SAMD4B: variants seen among roughly 807,000 people sequenced by gnomAD.
SAMD4B encodes sterile alpha motif domain containing 4B.
Under a neutral mutation model 74.5 loss-of-function variants are expected in SAMD4B, and 5 were observed. That is an observed-to-expected ratio of 0.07 (90% CI 0.04 to 0.14). The LOEUF (loss-of-function observed/expected upper bound fraction) is 0.14, where lower values mean the gene tolerates loss of function less well. Among genes scored for constraint, SAMD4B ranks in the 10% least tolerant of loss-of-function variants. SAMD4B has a pLI of 1.00. For synonymous variants in SAMD4B, 373 were observed against 374.9 expected (o/e 1.00, Z 0.06); for missense variants, 608 against 921.8 (o/e 0.66, Z 4.41).
chr19:39,380,436 A>G (rs556648900), intron 10 of SAMD4B, 151 bp from the exon 11 acceptor site: 67 of 797,026 alleles, frequency 8.4e-5, no homozygotes, highest in Non-Finnish European at 9.8e-5. Flanking sequence ...ATCTCCTTCC[A>G]GGGGGTACCC....
At chr19:39,365,083 C>A (rs536665004) in intron 3 of SAMD4B, among the ~76,000 whole-genome samples, 63 of 149,090 alleles carry the variant, frequency 4.2e-4, no homozygotes, top group African/African-American at 1.4e-3. Context: ...ACTAAAAATA[C>A]AAAAAAAAAT....
chr19:39,369,258 G>A, intron 3 of SAMD4B: 1 of 260,650 alleles, frequency 3.8e-6, no homozygotes, highest in South Asian at 4.4e-5. Flanking sequence ...CTGATTGGGT[G>A]TCTGCACTAA....
intron 12 of SAMD4B, 125 bp downstream of exon 12, chr19:39,381,238 C>T: frequency 8.9e-7 from 1 of 1,128,554 alleles, no homozygotes; most frequent in South Asian, 1.6e-5. Context: ...TACCTCACAC[C>T]ACTCTGCACC....
chr19:39,345,713 C>T (rs898028263), intron 1 of SAMD4B, among the ~76,000 whole-genome samples: 1 of 152,140 alleles, frequency 6.6e-6, no homozygotes, highest in Non-Finnish European at 1.5e-5. Flanking sequence ...TCTCTGAATC[C>T]CACAAGGTGG....
chr19:39,387,695 C>CAT (rs2078283190), downstream of SAMD4B, among the ~76,000 whole-genome samples: 1 of 152,224 alleles, frequency 6.6e-6, no homozygotes, highest in African/African-American at 2.4e-5. Flanking sequence ...CATTTTTGAA[C>CAT]ATGGGTTTAA....
chr19:39,368,169 G>A (rs888220716), intron 3 of SAMD4B, among the ~76,000 whole-genome samples: 28 of 152,058 alleles, frequency 1.8e-4, no homozygotes, highest in African/African-American at 7.2e-5. Context: ...AGCCAAGATC[G>A]CGCCACTGCA....
At chr19:39,389,587 C>T, downstream of SAMD4B, 1 of 1,614,168 alleles carries the variant, frequency 6.2e-7, no homozygotes, top group South Asian at 1.1e-5. This position sits in a 1 kb window ranked among gnomAD's most constrained non-coding sequence, Gnocchi z 5.3. Flanking sequence ...GAGGGAGGCC[C>T]AGGCCTGAGC....
At chr19:39,389,728 T>C (rs752590114), downstream of SAMD4B, 2 of 1,614,104 alleles carry the variant, frequency 1.2e-6, no homozygotes, top group Non-Finnish European at 1.7e-6. This position sits in a 1 kb window ranked among gnomAD's most constrained non-coding sequence, Gnocchi z 5.3. Context: ...GTTTGTGCTG[T>C]TTCTCCAAGG....
chr19:39,381,039 G>A lies in SAMD4B; in HGVS notation c.1898G>A (p.Ser633Asn). ...PGGSNSMPSQ[S>N]RSSVQRTHSL... ...GGCAGCAACAGCATGCCCAGTCAGA[G>A]CCGCAGCTCTGTGCAGCGCACCCAC... Residue 633 changes from serine (S) to asparagine (N), a missense_variant, in exon 12 of 14, where the codon AGC (serine) becomes AAC (asparagine). By Grantham distance (46) the Ser-to-Asn change is conservative. Coordinates refer to ENST00000610417, the MANE Select transcript of SAMD4B (RefSeq NM_001384574.2). 6.2e-7 allele frequency: 1 copy of A among 1,613,098 alleles called. No individual in the cohort carries two copies. Among genetic ancestry groups the A allele is most frequent in the East Asian group, 2.2e-5 (1 of 44,880 alleles).
At position 39,383,141 on chromosome 19, in the gene SAMD4B, C is replaced by A; in HGVS notation, c.1973-67C>A. 1 of 1,267,148 alleles carries A rather than the reference C, an allele frequency of 7.9e-7. No homozygotes were observed. Among genetic ancestry groups the A allele is most frequent in the Non-Finnish European group, 1.2e-6 (1 of 863,372 alleles). 78.5% of individuals were successfully genotyped at this position (1,267,148 alleles called of 1,614,324 possible). ...CCCTTCCCATACCAGCATCCTTTGT[C>A]ATCCCAGCTGTCTTCACCTGAGTCC... is the stretch of plus-strand genomic sequence containing the variant. On this transcript the variant is annotated intron_variant, in intron 12 of 13. Transcript: ENST00000610417. The surrounding 1 kb of genome is among the most constrained non-coding windows in gnomAD (Gnocchi z 4.1).
chr19:39,368,963 C>A (rs1373104442), intron 3 of SAMD4B, among the ~76,000 whole-genome samples: 1 of 152,122 alleles, frequency 6.6e-6, no homozygotes, highest in Non-Finnish European at 1.5e-5. Context: ...AGGAAGGAGA[C>A]TGCTTTTTGG....
At chr19:39,380,500 C>A in intron 10 of SAMD4B, 87 bp from the exon 11 acceptor site, 1 of 1,369,230 alleles carries the variant, frequency 7.3e-7, no homozygotes, top group Non-Finnish European at 1.0e-6. Context: ...TCTCCTACAA[C>A]TTGGGGTTGT....
At chr19:39,380,134 G>A (rs923933785) in intron 10 of SAMD4B, 50 bp downstream of exon 10, 3 of 1,422,004 alleles carry the variant, frequency 2.1e-6, no homozygotes, top group Non-Finnish European at 3.0e-6. Flanking sequence ...GGCCTTTGCT[G>A]GTTAGCAGAT....
chr19:39,352,405 T>A (rs2145312002), intron 1 of SAMD4B: 1 of 152,156 alleles, frequency 6.6e-6, no homozygotes, highest in South Asian at 2.1e-4. Flanking sequence ...TTGTTCACTA[T>A]TGTTTCAATG....
chr19:39,374,481 T>A (rs8101786), intron 4 of SAMD4B, among the ~76,000 whole-genome samples: 13,358 of 152,224 alleles, frequency 0.088, 1,481 homozygotes, highest in African/African-American at 0.26. Context: ...TTACAAGATA[T>A]AATGATGTTT....
intron 1 of SAMD4B, chr19:39,350,246 C>T (rs576815533): frequency 6.6e-6 from 1 of 152,234 alleles, no homozygotes; most frequent in Admixed American, 6.5e-5. Context: ...TCATTTAATT[C>T]TTCTAACAAG....
rs2078103487 is a variant in SAMD4B, at chr19:39,383,089, T to TCCCTCTCCCCCTCCA, written c.1973-118_1973-104dup. 1 of 815,324 alleles carries TCCCTCTCCCCCTCCA rather than the reference T, an allele frequency of 1.2e-6. No individual in the cohort carries two copies. The highest frequency in any genetic ancestry group is 2.2e-6 in the Non-Finnish European group (1 of 462,310). 50.5% of individuals were successfully genotyped at this position (815,324 alleles called of 1,614,324 possible). A position where few individuals can be genotyped will look rare whatever the true frequency, so the allele number is the denominator to read the frequency against. On this transcript the variant is annotated intron_variant, in intron 12 of 13. Coordinates refer to ENST00000610417, the MANE Select transcript of SAMD4B (RefSeq NM_001384574.2). This position sits in a 1 kb window ranked among gnomAD's most constrained non-coding sequence, Gnocchi z 4.1. ...CTCCCTGTCCACCTCCTCCCGTTCTTCCCTCTCCCCCTCCATCTCTCTTGC... is the reference window on the plus strand; with the variant it reads ...CTCCCTGTCCACCTCCTCCCGTTCTTCCCTCTCCCCCTCCACCCTCTCCCCCTCCATCTCTCTTGC...
At chr19:39,362,681 G>C (rs2076724562) in intron 3 of SAMD4B, among the ~76,000 whole-genome samples, 3 of 152,152 alleles carry the variant, frequency 2.0e-5, no homozygotes, top group African/African-American at 7.2e-5. Flanking sequence ...CCAGAAGGCT[G>C]TTCCTATGGA....
chr19:39,377,890 G>C, intron 8 of SAMD4B, 66 bp downstream of exon 8: 1 of 1,458,990 alleles, frequency 6.9e-7, no homozygotes, highest in Non-Finnish European at 9.3e-7. Context: ...AAGCACCAGG[G>C]ATCAAATCCA....
Sources: allele counts gnomAD v4.1 joint callset (sites outside exome capture counted in the v4.1 genomes callset), GRCh38; gene constraint gnomAD v4.1.1; non-coding constraint Gnocchi (gnomAD v3.1); transcripts MANE v1.5; gene names NCBI Gene and HGNC (gene_info 2026-07-23, HGNC 2026-07-21).